BDH1: variants seen among roughly 807,000 people sequenced by gnomAD.
The protein encoded by BDH1 is D-beta-hydroxybutyrate dehydrogenase, mitochondrial.
In BDH1, 30 loss-of-function variants were observed where a neutral mutation model predicts 33.1. The observed-to-expected ratio is 0.91, with a 90% CI of 0.68 to 1.23. The LOEUF is 1.23. Among genes scored for constraint, BDH1 ranks in the 50% most tolerant of loss-of-function variants. The pLI, the probability that BDH1 is intolerant of heterozygous loss-of-function variation, is 0.00. For missense variants in BDH1, 443 were observed against 464.4 expected (o/e 0.95, Z 0.42); for synonymous variants, 190 against 183.6 (o/e 1.03, Z -0.28).
chr3:197,572,042 C>G (rs1332848511), intron 1 of BDH1, among the ~76,000 whole-genome samples: 1 of 152,202 alleles, frequency 6.6e-6, no homozygotes, highest in Admixed American at 6.5e-5. Context: ...GTGCCCTATA[C>G]AAAGGCTTGA....
At chr3:197,552,830 C>A (rs140222747) in intron 2 of BDH1, among the ~76,000 whole-genome samples, 102 of 152,164 alleles carry the variant, frequency 6.7e-4, no homozygotes, top group African/African-American at 2.4e-3. Context: ...AATATAAGCT[C>A]TTTGAGAACA....
chr3:197,550,487 C>T (rs1200750050), intron 2 of BDH1, among the ~76,000 whole-genome samples: 1 of 152,210 alleles, frequency 6.6e-6, no homozygotes, highest in Non-Finnish European at 1.5e-5. Context: ...AGGATTTGGC[C>T]TCTGCAGCTG....
In BDH1 at chr3:197,540,739, C is replaced by T. The variant is rs116345532; in HGVS notation, c.83+5622G>A. Among the ~76,000 whole-genome samples the T allele has an allele frequency of 4.6e-3, 695 of 152,230 alleles. 3 individuals are homozygous for T. The highest frequency in any genetic ancestry group is 8.1e-3 in the Non-Finnish European group (550 of 67,998). ...GCTTATTTCAGATTGACTTGCTGCC[C>T]GTCTTTCTCTAAACTGTCTCTCCAT... On this transcript the variant is annotated intron_variant, in intron 3 of 7. Transcript: ENST00000392379.
intron 3 of BDH1, among the ~76,000 whole-genome samples, chr3:197,536,360 T>C (rs1715154251): frequency 2.0e-5 from 3 of 152,232 alleles, no homozygotes; most frequent in African/African-American, 7.2e-5. Context: ...TTTAGAGTAA[T>C]CTTGTCTTCA....
Position 197,532,442 on chromosome 3 carries a change from G to T in BDH1, c.237C>A (p.Gly79=). 1 of 1,614,206 alleles carries T rather than the reference G, an allele frequency of 6.2e-7. No homozygotes were observed. Among genetic ancestry groups the T allele is most frequent in the African/African-American group, 1.3e-5 (1 of 75,060 alleles). ...FSLAKHLHSK[G]FLVFAGCLMK... ...TCAAGCAGCCAGCAAACACAAGGAA[G>T]CCTTTTGAATGCAGATGCTTGGCCA... Residue 79 remains glycine (G), a synonymous_variant, in exon 5 of 8, where the codon GGC becomes GGA. Transcript: ENST00000392379.
intron 1 of BDH1, among the ~76,000 whole-genome samples, chr3:197,572,926 T>C (rs1717657554): frequency 6.6e-6 from 1 of 152,232 alleles, no homozygotes; most frequent in Non-Finnish European, 1.5e-5. Flanking sequence ...CTTTTTCCAA[T>C]TATTTTCCCA....
intron 6 of BDH1, chr3:197,515,852 C>T (rs1012341397): frequency 4.3e-5 from 14 of 323,902 alleles, no homozygotes; most frequent in Non-Finnish European, 6.2e-5. Context: ...TGCAATGAGC[C>T]GGATCATGCC....
At chr3:197,513,461 A>C (rs9832212) in intron 7 of BDH1, among the ~76,000 whole-genome samples, 2,806 of 96,506 alleles carry the variant, frequency 0.029, 17 homozygotes, top group Non-Finnish European at 0.041. Context: ...CCGGGAGGGC[A>C]CTCAGCCCAT....
chr3:197,519,516 TA>T (rs1406298776), intron 6 of BDH1, among the ~76,000 whole-genome samples: 1 of 150,532 alleles, frequency 6.6e-6, no homozygotes, highest in Non-Finnish European at 1.5e-5. Context: ...AAAAAAAAAT[TA>T]GCTGGGCATG....
chr3:197,513,928 A>G (rs1712389310), intron 7 of BDH1, among the ~76,000 whole-genome samples: 1 of 152,176 alleles, frequency 6.6e-6, no homozygotes, highest in Non-Finnish European at 1.5e-5. Flanking sequence ...GATTTTACTA[A>G]CCACACCTGA....
chr3:197,572,757 C>T (rs193193491), intron 1 of BDH1, among the ~76,000 whole-genome samples: 234 of 152,226 alleles, frequency 1.5e-3, no homozygotes, highest in South Asian at 4.8e-3. Context: ...AATAAACAAA[C>T]AATTTTGAAA....
chr3:197,544,433 T>C (rs1715909548), intron 3 of BDH1, among the ~76,000 whole-genome samples: 1 of 152,230 alleles, frequency 6.6e-6, no homozygotes, highest in African/African-American at 2.4e-5. Flanking sequence ...AAAAGTATTT[T>C]AACTTCATGT....
At chr3:197,530,345 A>G (rs911011547) in intron 5 of BDH1, 2 of 152,198 alleles carry the variant, frequency 1.3e-5, no homozygotes, top group African/African-American at 2.4e-5. Context: ...TCTAAGAGCA[A>G]TCTCACTCCC....
rs185084214 is a variant in BDH1 at position 197,566,105 on chromosome 3, T to G, written c.-44+7076A>C. ...GAACAAAATTTAGACCATATTTGTT[T>G]CTGTCAACCTGATTTCTCCAAAATT... On this transcript the variant is annotated intron_variant, in intron 1 of 6. Coordinates refer to the BDH1 transcript ENST00000358186. 1.3e-3 allele frequency among the ~76,000 whole-genome samples: 202 copies of G among 152,380 alleles called. 1 individual carries two copies. Among genetic ancestry groups the G allele is most frequent in the African/African-American group, 4.5e-3 (187 of 41,590 alleles).
chr3:197,539,596 T>A (rs1715429275), intron 3 of BDH1, among the ~76,000 whole-genome samples: 1 of 152,168 alleles, frequency 6.6e-6, no homozygotes, highest in South Asian at 2.1e-4. Flanking sequence ...GGCTACAAGA[T>A]TCTGACCCTC....
rs987208161 is a variant in BDH1 at position 197,520,031 on chromosome 3, G to T, written c.409+2609C>A. Among the ~76,000 whole-genome samples the T allele has an allele frequency of 3.9e-5, 6 of 152,156 alleles. No individual in the cohort carries two copies. The highest frequency in any genetic ancestry group is 1.4e-4 in the African/African-American group (6 of 41,436). ...GACCCTTCTGACATGTCCTGCATGGGGTGTGGGTCGGTGGCGGCCACTGCG... is the reference window on the plus strand; with the variant it reads ...GACCCTTCTGACATGTCCTGCATGGTGTGTGGGTCGGTGGCGGCCACTGCG... On this transcript the variant is annotated intron_variant, in intron 6 of 7. Transcript: ENST00000392379. This position sits in a 1 kb window ranked among gnomAD's most constrained non-coding sequence, Gnocchi z 6.0.
chr3:197,541,922 T>C (rs1425838197), intron 3 of BDH1, among the ~76,000 whole-genome samples: 2 of 152,200 alleles, frequency 1.3e-5, no homozygotes, highest in Non-Finnish European at 2.9e-5. Context: ...CAGACACTGC[T>C]CTTTGCCTGC....
chr3:197,564,573 A>G (rs990816623), intron 1 of BDH1, among the ~76,000 whole-genome samples: 3 of 152,352 alleles, frequency 2.0e-5, no homozygotes, highest in Admixed American at 6.5e-5. Context: ...GAAAATGCCA[A>G]TCAAAATAAA....
rs1385238764 is a variant in BDH1 at position 197,526,284 on chromosome 3, T to C, written c.268-3503A>G. On this transcript the variant is annotated intron_variant, in intron 5 of 7. Transcript: ENST00000392379. The surrounding 1 kb of genome is among the most constrained non-coding windows in gnomAD (Gnocchi z 4.7). ...CCTGAGGGCTGTGGGAAGTAGGTGC[T>C]GGTGGAGGTTGTCTTTCTCACTGTT... 1.3e-5 allele frequency among the ~76,000 whole-genome samples: 2 copies of C among 152,216 alleles called. No homozygotes were observed.
Sources: allele counts gnomAD v4.1 joint callset (sites outside exome capture counted in the v4.1 genomes callset), GRCh38; gene constraint gnomAD v4.1.1; non-coding constraint Gnocchi (gnomAD v3.1); transcripts MANE v1.5; gene names NCBI Gene and HGNC (gene_info 2026-07-23, HGNC 2026-07-21).